Variants in PDE1A observed in about 807,000 individuals in gnomAD.
The protein encoded by PDE1A is dual specificity calcium/calmodulin-dependent 3',5'-cyclic nucleotide phosphodiesterase 1A.
In PDE1A, 35 loss-of-function variants were observed where a neutral mutation model predicts 61.7. The observed-to-expected ratio is 0.57, with a 90% CI of 0.43 to 0.75. PDE1A has a LOEUF of 0.75. PDE1A is among the 30% of genes least tolerant of loss of function. The pLI is 0.00. For missense variants in PDE1A, 597 were observed against 630.6 expected (o/e 0.95, Z 0.57); for synonymous variants, 232 against 213.2 (o/e 1.09, Z -0.77).
At chr2:182,602,558 A>C in the PDE1A span, among the ~76,000 whole-genome samples, 1 of 152,258 alleles carries the variant, frequency 6.6e-6, no homozygotes, top group Non-Finnish European at 1.5e-5. Context: ...CTCATGAAGC[A>C]AAAGCTAACA....
At chr2:182,627,259 AT>A in the PDE1A span, among the ~76,000 whole-genome samples, 11 of 26,512 alleles carry the variant, frequency 4.1e-4, no homozygotes, top group African/African-American at 8.7e-4. Flanking sequence ...ATAATATATT[AT>A]TTATATATAA....
intron 7 of PDE1A, among the ~76,000 whole-genome samples, chr2:182,212,308 A>G (rs1043598661): frequency 6.6e-6 from 1 of 151,914 alleles, no homozygotes; most frequent in African/African-American, 2.4e-5. Context: ...TGGCTAACTC[A>G]GGCTAATTAA....
chr2:182,455,031 A>C (rs1046207656), intron 2 of PDE1A, among the ~76,000 whole-genome samples: 23 of 152,046 alleles, frequency 1.5e-4, no homozygotes, highest in Non-Finnish European at 2.9e-4. Context: ...AATATCCAGA[A>C]TCTACAATGA....
intron 13 of PDE1A, among the ~76,000 whole-genome samples, chr2:182,151,441 T>C (rs1690775107): frequency 6.6e-6 from 1 of 152,068 alleles, no homozygotes; most frequent in Non-Finnish European, 1.5e-5. Context: ...GGTTGAACAA[T>C]TGTGGAAGCT....
At position 182,201,824 on chromosome 2, in the gene PDE1A, G is replaced by C. The variant is rs374191073; in HGVS notation, c.903-35C>G. The C allele has an allele frequency of 3.7e-5, 49 of 1,337,172 alleles. No homozygotes were observed. In the African/African-American group the frequency reaches 5.9e-4, roughly 16 times the overall value. The allele number at this position is 1,337,172 out of a possible 1,614,324, so 82.8% of individuals were successfully genotyped here. ...CACCAAAAGGAGAAAGGTTCATTCA[G>C]CCATTTATTGTTCTGAAGTGGAACA... is the stretch of plus-strand genomic sequence containing the variant. On this transcript the variant is annotated intron_variant, in intron 8 of 13. Transcript: ENST00000351439.
At chr2:182,309,921 A>T (rs572868515) in intron 1 of PDE1A, among the ~76,000 whole-genome samples, 1 of 152,254 alleles carries the variant, frequency 6.6e-6, no homozygotes, top group East Asian at 1.9e-4. Context: ...AAGGTAATTT[A>T]AAAAGAGAGA....
In PDE1A at chr2:182,406,792, A is replaced by G. The variant is rs1342549209; in HGVS notation, c.53+19786T>C. On this transcript the variant is annotated intron_variant, in intron 1 of 13. Coordinates refer to ENST00000351439, the Ensembl canonical transcript of PDE1A. ...AACAAATAATTTTTTAAAACTACAG[A>G]TATTACAAGAAATGAAAAAAATGCA... Among the ~76,000 whole-genome samples, 4 of 152,112 alleles carry G rather than the reference A, an allele frequency of 2.6e-5. No individual in the cohort carries two copies. The East Asian group carries it at 5.8e-4, about 22-fold the overall frequency.
intron 13 of PDE1A, among the ~76,000 whole-genome samples, chr2:182,151,585 C>CA (rs1690783410): frequency 6.6e-6 from 1 of 152,226 alleles, no homozygotes; most frequent in Non-Finnish European, 1.5e-5. Context: ...AACCTACCCT[C>CA]ACCAATTCTG....
intron 1 of PDE1A, among the ~76,000 whole-genome samples, chr2:182,420,662 A>G (rs1306230328): frequency 1.3e-5 from 2 of 152,200 alleles, no homozygotes; most frequent in African/African-American, 2.4e-5. Flanking sequence ...ATAATATCCT[A>G]AAATCCTAAA....
intron 1 of PDE1A, among the ~76,000 whole-genome samples, chr2:182,294,334 A>C (rs556699687): frequency 6.6e-6 from 1 of 152,362 alleles, no homozygotes; most frequent in South Asian, 2.1e-4. Context: ...ATTGGCTTAC[A>C]GAAAGGTATG....
At chr2:182,512,582 A>G (rs1689872529) in intron 2 of PDE1A, among the ~76,000 whole-genome samples, 2 of 152,244 alleles carry the variant, frequency 1.3e-5, no homozygotes, top group Admixed American at 6.5e-5. Flanking sequence ...GCTACCCAGC[A>G]ATGTTTTTTT....
the PDE1A span, among the ~76,000 whole-genome samples, chr2:182,534,700 G>T: frequency 6.7e-6 from 1 of 150,156 alleles, no homozygotes; most frequent in East Asian, 2.0e-4. Flanking sequence ...TTAATTTTTG[G>T]CCTATCATGT....
upstream of PDE1A, among the ~76,000 whole-genome samples, chr2:182,428,718 T>G (rs1392435333): frequency 6.6e-6 from 1 of 152,152 alleles, no homozygotes; most frequent in African/African-American, 2.4e-5. Flanking sequence ...TTTGCGTTTG[T>G]GGGTAGCATT....
At chr2:182,174,706 C>T (rs1045317338) in intron 13 of PDE1A, among the ~76,000 whole-genome samples, 1 of 151,922 alleles carries the variant, frequency 6.6e-6, no homozygotes, top group African/African-American at 2.4e-5. Flanking sequence ...TTGCATAAAA[C>T]AGAACAGGTT....
chr2:182,264,377 C>T (rs141123572), exon 2 of PDE1A: 239 of 1,613,622 alleles, frequency 1.5e-4, no homozygotes, highest in South Asian at 1.0e-3. Flanking sequence ...ACGACGTTAA[C>T]ATCACCTCTT....
chr2:182,518,534 A>G (rs1016088322), intron 2 of PDE1A, among the ~76,000 whole-genome samples: 2 of 152,184 alleles, frequency 1.3e-5, no homozygotes, highest in African/African-American at 4.8e-5. Flanking sequence ...ATATCTGGAC[A>G]TTCGTCGGGA....
At chr2:182,605,860 A>G in the PDE1A span, among the ~76,000 whole-genome samples, 1 of 152,230 alleles carries the variant, frequency 6.6e-6, no homozygotes, top group Non-Finnish European at 1.5e-5. Flanking sequence ...GATGGGAATT[A>G]CATCTTAGAA....
the PDE1A span, among the ~76,000 whole-genome samples, chr2:182,610,157 G>C: frequency 6.6e-6 from 1 of 151,940 alleles, no homozygotes; most frequent in Non-Finnish European, 1.5e-5. Flanking sequence ...GGCCTTGCTG[G>C]GTTTCCCCAC....
intron 7 of PDE1A, 46 bp from the exon 8 acceptor site, chr2:182,206,111 T>C: frequency 6.5e-7 from 1 of 1,528,480 alleles, no homozygotes; most frequent in Non-Finnish European, 8.9e-7. Context: ...TCTTTAGACA[T>C]CATGAATGTC....
Sources: allele counts gnomAD v4.1 joint callset (sites outside exome capture counted in the v4.1 genomes callset), GRCh38; gene constraint gnomAD v4.1.1; transcripts MANE v1.5; gene names NCBI Gene and HGNC (gene_info 2026-07-23, HGNC 2026-07-21).